GULP1: variants seen among roughly 807,000 people sequenced by gnomAD.
GULP1 encodes GULP PTB domain containing engulfment adaptor 1, also known as PTB domain-containing engulfment adapter protein 1.
In GULP1, 19 loss-of-function variants were observed where a neutral mutation model predicts 40.9. The observed-to-expected ratio is 0.46, with a 90% CI of 0.32 to 0.68. The LOEUF is 0.68. GULP1 is among the 30% of genes least tolerant of loss of function. GULP1 has a pLI of 0.03. For synonymous variants in GULP1, 119 were observed against 117.6 expected (o/e 1.01, Z -0.08); for missense variants, 312 against 362.2 (o/e 0.86, Z 1.12).
intron 11 of GULP1, 43 bp from the exon 12 acceptor site, chr2:188,593,897 C>A: frequency 1.9e-6 from 2 of 1,054,296 alleles, no homozygotes; most frequent in Non-Finnish European, 3.0e-6. Flanking sequence ...TTTTATTTTG[C>A]TGTAAGCATT....
In GULP1 at chr2:188,594,812, A is replaced by G. The variant is rs1207931822; in HGVS notation, c.*801A>G. On this transcript the variant is annotated 3_prime_UTR_variant, in exon 12 of 12. Coordinates refer to ENST00000409830, the MANE Select transcript of GULP1 (RefSeq NM_016315.4). ...ATATTCCCTAAAAAACATTTGGAAT[A>G]TATGCTATCTATAGATTCAGTATCT... is the stretch of plus-strand genomic sequence containing the variant. 1 of 151,812 alleles carries G rather than the reference A, an allele frequency of 6.6e-6. No homozygotes were observed. Among genetic ancestry groups the G allele is most frequent in the African/African-American group, 2.4e-5 (1 of 41,420 alleles). 9.4% of individuals were successfully genotyped at this position (151,812 alleles called of 1,614,324 possible). A position where few individuals can be genotyped will look rare whatever the true frequency, so the allele number is the denominator to read the frequency against.
chr2:188,327,112 G>A (rs2040858895), intron 1 of GULP1, among the ~76,000 whole-genome samples: 1 of 152,156 alleles, frequency 6.6e-6, no homozygotes, highest in South Asian at 2.1e-4. Context: ...TCAGATTCTA[G>A]ATAAAGCACA....
At chr2:188,403,851 C>CTG (rs2052665782) in intron 2 of GULP1, among the ~76,000 whole-genome samples, 1 of 152,130 alleles carries the variant, frequency 6.6e-6, no homozygotes, top group Non-Finnish European at 1.5e-5. Flanking sequence ...TGAAAATCTC[C>CTG]TGTTTATCTT....
At chr2:188,364,900 A>G (rs1034786496) in intron 1 of GULP1, among the ~76,000 whole-genome samples, 30 of 148,314 alleles carry the variant, frequency 2.0e-4, no homozygotes, top group African/African-American at 7.0e-4. Context: ...GTATATACAC[A>G]AATACACACA....
At chr2:188,370,676 C>T (rs1268210801) in intron 1 of GULP1, among the ~76,000 whole-genome samples, 1 of 152,188 alleles carries the variant, frequency 6.6e-6, no homozygotes, top group Non-Finnish European at 1.5e-5. Context: ...ATAAAGATTG[C>T]ATCTCACAGT....
chr2:188,521,743 C>T (rs951787953), intron 4 of GULP1, among the ~76,000 whole-genome samples: 3 of 152,142 alleles, frequency 2.0e-5, no homozygotes, highest in Non-Finnish European at 4.4e-5. Context: ...AGGACACAGT[C>T]AAACCATATC....
chr2:188,432,822 A>G (rs920031054), intron 2 of GULP1, among the ~76,000 whole-genome samples: 39 of 152,176 alleles, frequency 2.6e-4, no homozygotes, highest in African/African-American at 9.1e-4. Context: ...TTTCAAGCCA[A>G]TTTGGTACCT....
At chr2:188,412,520 C>T (rs760479661) in intron 2 of GULP1, among the ~76,000 whole-genome samples, 19 of 151,970 alleles carry the variant, frequency 1.3e-4, no homozygotes, top group Non-Finnish European at 1.9e-4. Flanking sequence ...TCTGGAACTC[C>T]CACGGTTTCC....
chr2:188,429,794 C>T (rs913772803), intron 2 of GULP1, among the ~76,000 whole-genome samples: 6 of 151,566 alleles, frequency 4.0e-5, no homozygotes, highest in South Asian at 2.1e-4. Context: ...TTGCAAGCTC[C>T]GCCTCCTGGG....
At chr2:188,467,206 T>C (rs1325555248) in intron 2 of GULP1, among the ~76,000 whole-genome samples, 1 of 152,020 alleles carries the variant, frequency 6.6e-6, no homozygotes, top group Non-Finnish European at 1.5e-5. Flanking sequence ...ATCTCAGGGG[T>C]TGGAAAGACC....
chr2:188,560,171 G>T (rs963059260), intron 7 of GULP1, among the ~76,000 whole-genome samples: 2 of 152,136 alleles, frequency 1.3e-5, no homozygotes, highest in African/African-American at 4.8e-5. Context: ...CTTTGCTTAT[G>T]CATATGAGTA....
intron 1 of GULP1, among the ~76,000 whole-genome samples, chr2:188,335,405 C>T (rs1447733286): frequency 6.6e-6 from 1 of 152,102 alleles, no homozygotes; most frequent in Non-Finnish European, 1.5e-5. Context: ...TTACAAAGAA[C>T]TTCTGAGCAT....
At chr2:188,570,876 T>C (rs1475038360) in intron 9 of GULP1, among the ~76,000 whole-genome samples, 1 of 152,188 alleles carries the variant, frequency 6.6e-6, no homozygotes, top group Admixed American at 6.5e-5. Flanking sequence ...TTAATATCTA[T>C]GCCAAGCACA....
intron 4 of GULP1, among the ~76,000 whole-genome samples, chr2:188,499,908 T>C (rs2063272756): frequency 1.3e-5 from 2 of 151,776 alleles, no homozygotes; most frequent in South Asian, 2.1e-4. Flanking sequence ...TCGGGAATGA[T>C]TGGCTCTTAA....
chr2:188,540,743 A>G (rs1353172503), intron 6 of GULP1, among the ~76,000 whole-genome samples: 1 of 152,180 alleles, frequency 6.6e-6, no homozygotes, highest in Non-Finnish European at 1.5e-5. Flanking sequence ...GTTCTAAACT[A>G]TAATGCTAGT....
intron 4 of GULP1, among the ~76,000 whole-genome samples, chr2:188,499,133 GTGTATATATATATATA>G (rs1220509916): frequency 2.0e-4 from 24 of 120,694 alleles, no homozygotes; most frequent in South Asian, 1.3e-3. Flanking sequence ...ATATATGTGT[GTGTATATATATATATA>G]TATATATATA....
intron 7 of GULP1, among the ~76,000 whole-genome samples, chr2:188,561,066 C>T (rs1696131574): frequency 6.6e-6 from 1 of 152,186 alleles, no homozygotes; most frequent in Non-Finnish European, 1.5e-5. Flanking sequence ...TCTGCCATTT[C>T]CTTGGAGGGT....
intron 7 of GULP1, among the ~76,000 whole-genome samples, chr2:188,548,147 A>G (rs1351189284): frequency 6.6e-6 from 1 of 152,084 alleles, no homozygotes; most frequent in Non-Finnish European, 1.5e-5. Context: ...ACAAAAAAGC[A>G]TATAATAAAT....
At chr2:188,496,060 G>A (rs539065462) in intron 4 of GULP1, among the ~76,000 whole-genome samples, 1 of 152,050 alleles carries the variant, frequency 6.6e-6, no homozygotes, top group South Asian at 2.1e-4. Flanking sequence ...TTTTATCTGT[G>A]ACAGAATTAC....
Sources: allele counts gnomAD v4.1 joint callset (sites outside exome capture counted in the v4.1 genomes callset), GRCh38; gene constraint gnomAD v4.1.1; transcripts MANE v1.5; gene names NCBI Gene and HGNC (gene_info 2026-07-23, HGNC 2026-07-21).